The following LHCGR variants were observed in gnomAD, a reference collection of about 807,000 sequenced individuals.
LHCGR encodes lutropin-choriogonadotropic hormone receptor.
A neutral mutation model predicts 60.7 loss-of-function variants in LHCGR; 55 were observed. The observed-to-expected ratio is 0.91, with a 90% CI of 0.73 to 1.13. The LOEUF (loss-of-function observed/expected upper bound fraction) is 1.13, where lower values mean the gene tolerates loss of function less well. LHCGR is among the 50% of genes most tolerant of loss of function. The probability of loss-of-function intolerance (pLI) is 0.00; values close to 1 mark genes in which losing one functional copy is unlikely to be tolerated. For missense variants in LHCGR, 862 were observed against 836.0 expected (o/e 1.03, Z -0.38); for synonymous variants, 337 against 316.5 (o/e 1.06, Z -0.69).
chr2:48,699,195 CTT>C (rs922218882), intron 8 of LHCGR, among the ~76,000 whole-genome samples: 1 of 152,158 alleles, frequency 6.6e-6, no homozygotes, highest in African/African-American at 2.4e-5. Context: ...TCTGAGGAAT[CTT>C]TTCTCCATCT....
chr2:48,709,021 C>A lies in LHCGR; in HGVS notation c.607G>T (p.Glu203Ter), dbSNP rs1319320022. 1.9e-6 allele frequency: 3 copies of A among 1,613,606 alleles called. No individual in the cohort carries two copies. The South Asian group carries it at 3.3e-5, about 18-fold the overall frequency. Residue 203 changes from glutamate to a stop codon, truncating the protein, a stop_gained and splice_region_variant, in exon 8 of 11, where the codon GAG (glutamate) becomes TAG (stop). Coordinates refer to ENST00000294954, the MANE Select transcript of LHCGR (RefSeq NM_000233.4). LOFTEE classifies it high-confidence loss of function. ...AFNGTTLTSLELKENVHLEKM... is the reference protein window; with the variant it reads ...AFNGTTLTSL ...TCCAGATGTACGTTTTCCTTTAGCTCCCTGTGGGGAAGGATATTGCCCTTA... is the reference window on the plus strand; with the variant it reads ...TCCAGATGTACGTTTTCCTTTAGCTACCTGTGGGGAAGGATATTGCCCTTA...
intron 1 of LHCGR, among the ~76,000 whole-genome samples, chr2:48,754,912 G>A (rs1001982621): frequency 7.9e-5 from 12 of 151,970 alleles, no homozygotes; most frequent in African/African-American, 2.9e-4. Flanking sequence ...GGGTGCCAGC[G>A]GCAGGGCACA....
intron 9 of LHCGR, 48 bp downstream of exon 9, chr2:48,698,567 A>G: frequency 6.6e-7 from 1 of 1,521,488 alleles, no homozygotes; most frequent in African/African-American, 1.4e-5. Flanking sequence ...TTGAAATCTG[A>G]ATTTCTGCCA....
chr2:48,715,377 G>A (rs535846418), intron 6 of LHCGR, among the ~76,000 whole-genome samples: 1 of 152,278 alleles, frequency 6.6e-6, no homozygotes, highest in South Asian at 2.1e-4. Context: ...GCCTTAGATG[G>A]AAATATTTGT....
At position 48,729,195 on chromosome 2, in the gene LHCGR, A is replaced by G. The variant is rs763880284; in HGVS notation, c.266T>C (p.Ile89Thr). The G allele has an allele frequency of 6.2e-7, 1 of 1,611,864 alleles. No homozygotes were observed. The highest frequency in any genetic ancestry group is 8.5e-7 in the Non-Finnish European group (1 of 1,178,780). The stretch of plus-strand genomic sequence containing the variant: ...GAGGTTGTCAAAGGCATTAGCTTCT[A>G]TCCTTTCCAGGGAATCAATCTGAGA... ...EISQIDSLER[I>T]EANAFDNLLN... The change falls in exon 3 of 11, where the codon ATA (isoleucine) becomes ACA (threonine). Residue 89 changes from isoleucine (I) to threonine (T), a missense_variant. By Grantham distance (89) the Ile-to-Thr change is moderately conservative. Coordinates refer to ENST00000294954, the MANE Select transcript of LHCGR (RefSeq NM_000233.4).
In LHCGR at chr2:48,687,824, G is replaced by A; in HGVS notation, c.1973C>T (p.Ala658Val). 2 of 1,614,186 alleles carry A rather than the reference G, an allele frequency of 1.2e-6. No individual in the cohort carries two copies. Among genetic ancestry groups the A allele is most frequent in the South Asian group, 2.2e-5 (2 of 91,086 alleles). The change falls in exon 11 of 11, where the codon GCT (alanine) becomes GTT (valine). Residue 658 changes from alanine to valine, a missense_variant. Transcript: ENST00000294954. ...GCCATTTTTGCAGTTGGAGGTGTAA[G>A]CTGAAAAATCTTTCCTTCTATAAAG... Reference protein sequence around the residue: ...AELYRRKDFSAYTSNCKNGFT... With the variant: ...AELYRRKDFSVYTSNCKNGFT...
chr2:48,722,425 T>G (rs974844356), intron 6 of LHCGR, among the ~76,000 whole-genome samples: 3 of 152,210 alleles, frequency 2.0e-5, no homozygotes, highest in Non-Finnish European at 2.9e-5. Flanking sequence ...TTCCACAAAA[T>G]TGCATTACAA....
At chr2:48,695,619 C>T (rs1326198107) in intron 9 of LHCGR, among the ~76,000 whole-genome samples, 1 of 152,112 alleles carries the variant, frequency 6.6e-6, no homozygotes, top group South Asian at 2.1e-4. Context: ...CATTGCTATG[C>T]TATTCACAAA....
rs1206589395 is a variant in LHCGR at position 48,741,983 on chromosome 2, AT to A, written c.162-10686del. Among the ~76,000 whole-genome samples, 40 of 152,338 alleles carry A rather than the reference AT, an allele frequency of 2.6e-4. 1 individual carries two copies. Among genetic ancestry groups the A allele is most frequent in the Non-Finnish European group, 1.3e-4 (9 of 68,042 alleles). On this transcript the variant is annotated intron_variant, in intron 1 of 10. Transcript: ENST00000294954. Reference sequence around the variant, plus strand: ...AGAGACACACATAGGTTCAAAATAAATGGATGGAGGAAGATCTACCAAGCCA... The same window carrying A: ...AGAGACACACATAGGTTCAAAATAAAGGATGGAGGAAGATCTACCAAGCCA...
chr2:48,709,064 T>C (rs1667849881), intron 7 of LHCGR, 42 bp from the exon 8 acceptor site: 1 of 1,486,394 alleles, frequency 6.7e-7, no homozygotes, highest in Non-Finnish European at 9.4e-7. Context: ...TTGTACCTCA[T>C]GTGTAAGCAT....
intron 1 of LHCGR, among the ~76,000 whole-genome samples, chr2:48,742,244 G>A (rs1336187790): frequency 6.6e-6 from 1 of 151,982 alleles, no homozygotes; most frequent in South Asian, 2.1e-4. Context: ...TTAATAATGG[G>A]AGACTTTAAC....
intron 9 of LHCGR, among the ~76,000 whole-genome samples, chr2:48,695,526 T>C (rs1195550626): frequency 6.6e-6 from 1 of 152,176 alleles, no homozygotes; most frequent in African/African-American, 2.4e-5. Context: ...ACAGAGCTAC[T>C]ATTCAACTCA....
At chr2:48,692,298 T>C (rs887732404) in intron 10 of LHCGR, among the ~76,000 whole-genome samples, 1 of 152,248 alleles carries the variant, frequency 6.6e-6, no homozygotes, top group African/African-American at 2.4e-5. Context: ...AGCACTATTG[T>C]AAAACTTCTA....
Position 48,708,956 on chromosome 2 carries a change from C to T in LHCGR, c.672G>A (p.Pro224=), listed in dbSNP as rs267599401. 221 of 1,613,758 alleles carry T rather than the reference C, an allele frequency of 1.4e-4. No individual in the cohort carries two copies. The highest frequency in any genetic ancestry group is 3.3e-4 in the Middle Eastern group (2 of 6,032). Residue 224 remains proline (P), a synonymous_variant, in exon 8 of 11, where the codon CCG becomes CCA. Coordinates refer to ENST00000294954, the MANE Select transcript of LHCGR (RefSeq NM_000233.4). The stretch of plus-strand genomic sequence containing the variant: ...AGCACCATTCTACTCACAAGGTTTT[C>T]GGCCCTGTGGCCCCACGGAAGGCTC... ...HNGAFRGATG[P]KTLDISSTKL... is the part of the protein sequence containing the mutation.
intron 1 of LHCGR, among the ~76,000 whole-genome samples, chr2:48,746,023 T>C (rs11679263): frequency 0.15 from 23,253 of 152,130 alleles, 2,278 homozygotes; most frequent in East Asian, 0.34. Context: ...CAAATCAAAA[T>C]TTCATTTCAC....
chr2:48,743,689 T>A (rs1464633564), intron 1 of LHCGR, among the ~76,000 whole-genome samples: 2 of 152,180 alleles, frequency 1.3e-5, no homozygotes, highest in Non-Finnish European at 2.9e-5. Flanking sequence ...TGATGGGACG[T>A]ATCTCAAAAT....
intron 1 of LHCGR, among the ~76,000 whole-genome samples, chr2:48,734,013 T>C (rs1443484882): frequency 2.0e-5 from 3 of 152,214 alleles, no homozygotes; most frequent in Non-Finnish European, 2.9e-5. Context: ...CACTCCTGTA[T>C]ACATTGAGAA....
At chr2:48,754,933 T>C (rs1243057012) in intron 1 of LHCGR, among the ~76,000 whole-genome samples, 1 of 150,690 alleles carries the variant, frequency 6.6e-6, no homozygotes, top group African/African-American at 2.4e-5. Flanking sequence ...GGGCCTTTGG[T>C]CCATTAGACC....
rs775132914 is a variant in LHCGR, at chr2:48,687,884, A to G, written c.1913T>C (p.Leu638Pro). 1.8e-5 allele frequency: 29 copies of G among 1,614,096 alleles called. No homozygotes were observed. The highest frequency in any genetic ancestry group is 5.0e-5 in the Admixed American group (3 of 60,006). ...ACGTTTACAGCAGCCAAATTTGCTC[A>G]GCAAAAGAAAGAAATCTCTTTGGAA... ...KTFQRDFFLL[L>P]SKFGCCKRRA... The change falls in exon 11 of 11, where the codon CTG (leucine) becomes CCG (proline). Residue 638 changes from leucine (L) to proline (P), a missense_variant. Coordinates refer to ENST00000294954, the MANE Select transcript of LHCGR (RefSeq NM_000233.4).
Sources: allele counts gnomAD v4.1 joint callset (sites outside exome capture counted in the v4.1 genomes callset), GRCh38; gene constraint gnomAD v4.1.1; transcripts MANE v1.5; gene names NCBI Gene and HGNC (gene_info 2026-07-23, HGNC 2026-07-21).